Variants in TNR observed in about 807,000 individuals in gnomAD.
TNR encodes tenascin R.
In TNR, 45 loss-of-function variants were observed where a neutral mutation model predicts 150.4. That is an observed-to-expected ratio of 0.30 (90% CI 0.24 to 0.38). The LOEUF is 0.38. Among genes scored for constraint, TNR ranks in the 10% least tolerant of loss-of-function variants. The probability of loss-of-function intolerance (pLI) is 1.00; values close to 1 mark genes in which losing one functional copy is unlikely to be tolerated. For missense variants in TNR, 1,544 were observed against 1,759.1 expected, an observed-to-expected ratio of 0.88 and a Z score of 2.19; for synonymous variants, 687 against 678.4, an observed-to-expected ratio of 1.01 and a Z score of -0.20.
Position 175,437,053 on chromosome 1 carries a change from C to T in TNR, c.-63-30276G>A, listed in dbSNP as rs1043431208. ...TAATAGACATCTACAGAACTCTCCA[C>T]CCCAAATCAACAGAATATACATTCT... On this transcript the variant is annotated intron_variant, in intron 2 of 22. Coordinates refer to ENST00000367674, the MANE Select transcript of TNR (RefSeq NM_003285.3). Among the ~76,000 whole-genome samples the T allele has an allele frequency of 2.6e-5, 4 of 152,316 alleles. No individual in the cohort carries two copies. The Middle Eastern group carries it at 0.014, about 518-fold the overall frequency.
chr1:175,520,822 A>G (rs995548004), intron 2 of TNR, among the ~76,000 whole-genome samples: 1 of 151,888 alleles, frequency 6.6e-6, no homozygotes. Flanking sequence ...CATGTTCTAA[A>G]ATTATTTTTC....
intron 1 of TNR, among the ~76,000 whole-genome samples, chr1:175,725,133 A>G (rs1173197792): frequency 6.6e-6 from 1 of 152,172 alleles, no homozygotes; most frequent in African/African-American, 2.4e-5. Flanking sequence ...CATCAATGGA[A>G]GTGTAGAGAA....
intron 1 of TNR, among the ~76,000 whole-genome samples, chr1:175,740,880 A>G (rs183470905): frequency 1.1e-3 from 161 of 152,318 alleles, no homozygotes; most frequent in Non-Finnish European, 1.5e-3. Context: ...CCATGGCAAC[A>G]TGCCCCAGAT....
intron 18 of TNR, among the ~76,000 whole-genome samples, chr1:175,338,465 C>T (rs576658723): frequency 1.5e-4 from 23 of 152,240 alleles, no homozygotes; most frequent in African/African-American, 5.3e-4. Flanking sequence ...AAGCAGAAAG[C>T]CCACCGGAGG....
chr1:175,547,623 AAGAAAGAAAGAAAG>A (rs1571590357), intron 1 of TNR, among the ~76,000 whole-genome samples: 2 of 139,904 alleles, frequency 1.4e-5, no homozygotes, highest in East Asian at 2.1e-4. Flanking sequence ...CAAAGAAACA[AAGAAAGAAAGAAAG>A]AGAAAGAAAG....
chr1:175,602,834 C>T (rs1020551456), intron 1 of TNR, among the ~76,000 whole-genome samples: 9 of 152,142 alleles, frequency 5.9e-5, no homozygotes, highest in Non-Finnish European at 1.0e-4. Context: ...TAGAAAGCTC[C>T]GAGACCAACA....
intron 1 of TNR, among the ~76,000 whole-genome samples, chr1:175,572,906 C>T (rs1395603430): frequency 6.6e-6 from 1 of 151,678 alleles, no homozygotes; most frequent in African/African-American, 2.4e-5. Flanking sequence ...CCTCCCTAAC[C>T]ATGATTTAGA....
chr1:175,594,733 T>C (rs1017955189), intron 1 of TNR, among the ~76,000 whole-genome samples: 1 of 151,776 alleles, frequency 6.6e-6, no homozygotes, highest in African/African-American at 2.4e-5. Context: ...TGCACACCTG[T>C]AGTCCCAGCT....
intron 9 of TNR, among the ~76,000 whole-genome samples, chr1:175,372,120 T>C (rs1652134947): frequency 6.6e-6 from 1 of 151,848 alleles, no homozygotes; most frequent in African/African-American, 2.4e-5. Context: ...CCTCTCTCAT[T>C]GTGTGATGCG....
Position 175,391,311 on chromosome 1 carries a change from G to A in TNR, c.1484C>T (p.Pro495Leu). The stretch of plus-strand genomic sequence containing the variant: ...ACCTGTGGAGACGCTGGCCGAGGTA[G>A]GGGGGCTGCGGGCCTGTTCTTTCAG... ...VALKEQARSP[P>L]TSASVSTVID... Residue 495 changes from proline to leucine, a missense_variant, in exon 7 of 23, where the codon CCT (proline) becomes CTT (leucine). Physicochemically the swap from Pro to Leu is moderately conservative, Grantham distance 98 (BLOSUM62 -3). This residue lies in a region of TNR where 1,254 missense variants were observed against 1,329.4 expected (regional missense o/e 0.94). Transcript: ENST00000367674. The A allele has an allele frequency of 6.2e-7, 1 of 1,614,008 alleles. No homozygotes were observed. Among genetic ancestry groups the A allele is most frequent in the Non-Finnish European group, 8.5e-7 (1 of 1,180,006 alleles).
chr1:175,354,182 C>T (rs966056589), intron 18 of TNR, among the ~76,000 whole-genome samples: 23 of 152,252 alleles, frequency 1.5e-4, no homozygotes, highest in African/African-American at 3.4e-4. Flanking sequence ...TTAATTGGTC[C>T]GGGTGGATCA....
At chr1:175,687,843 G>T (rs1470340976) in intron 1 of TNR, among the ~76,000 whole-genome samples, 1 of 151,820 alleles carries the variant, frequency 6.6e-6, no homozygotes, top group African/African-American at 2.4e-5. Flanking sequence ...ATCTTCTGCT[G>T]TTAGCGCCCC....
intron 2 of TNR, among the ~76,000 whole-genome samples, chr1:175,434,927 A>G (rs1215613223): frequency 6.6e-6 from 1 of 152,186 alleles, no homozygotes; most frequent in Non-Finnish European, 1.5e-5. Flanking sequence ...GATCCTCACC[A>G]GGCTAGGGTA....
intron 1 of TNR, among the ~76,000 whole-genome samples, chr1:175,728,203 A>AG (rs1380727930): frequency 4.6e-5 from 7 of 152,202 alleles, no homozygotes; most frequent in Admixed American, 1.3e-4. Context: ...AGGTGAGGCC[A>AG]GGGTGAGGCT....
At chr1:175,452,449 C>T (rs529668764) in intron 2 of TNR, among the ~76,000 whole-genome samples, 46 of 152,294 alleles carry the variant, frequency 3.0e-4, no homozygotes, top group African/African-American at 1.0e-3. Flanking sequence ...GACGGGGGGA[C>T]GGCTGTCGGA....
rs35421365 is a variant in TNR at position 175,330,113 on chromosome 1, G to A, written c.3754C>T (p.Leu1252=). The A allele has an allele frequency of 3.3e-3, 5,271 of 1,611,056 alleles. 22 individuals are homozygous for A. The highest frequency in any genetic ancestry group is 0.018 in the Middle Eastern group (109 of 6,036). ...DRFSVEDSRN[L]YKLRIGSYNG... is the part of the protein sequence containing the mutation. Reference sequence around the variant, plus strand: ...TAGCTTCCTATGCGGAGTTTGTACAGGTTTCTGCTGTCCTCGACAGAGAAC... The same window carrying A: ...TAGCTTCCTATGCGGAGTTTGTACAAGTTTCTGCTGTCCTCGACAGAGAAC... The change falls in exon 21 of 23, where the codon CTG becomes TTG. Residue 1252 remains leucine (L), a synonymous_variant. Coordinates refer to ENST00000367674, the MANE Select transcript of TNR (RefSeq NM_003285.3).
intron 14 of TNR, 79 bp from the exon 15 acceptor site, chr1:175,359,810 C>T (rs1287784242): frequency 1.3e-6 from 2 of 1,520,870 alleles, no homozygotes; most frequent in East Asian, 2.3e-5. Context: ...AGAAGTTCCA[C>T]TCATGGTGCA....
rs554166522 is a variant in TNR at position 175,431,687 on chromosome 1, C to T, written c.-63-24910G>A. 2.0e-5 allele frequency among the ~76,000 whole-genome samples: 3 copies of T among 148,102 alleles called. No homozygotes were observed. The South Asian group carries it at 6.5e-4, about 32-fold the overall frequency. On this transcript the variant is annotated intron_variant, in intron 2 of 22. Coordinates refer to ENST00000367674, the MANE Select transcript of TNR (RefSeq NM_003285.3). Reference sequence around the variant, plus strand: ...CAGGCCTCAGGCAGAGGAGGAAGAACCCATGCTTTCCAGCACAGTCACAGA... The same window carrying T: ...CAGGCCTCAGGCAGAGGAGGAAGAATCCATGCTTTCCAGCACAGTCACAGA...
At chr1:175,643,122 G>A (rs974399690) in intron 1 of TNR, among the ~76,000 whole-genome samples, 1 of 152,120 alleles carries the variant, frequency 6.6e-6, no homozygotes, top group Admixed American at 6.5e-5. Flanking sequence ...TCTCATGAGC[G>A]ATGATGCACT....
Sources: gnomAD v4.1 joint callset for allele counts (sites outside exome capture counted in the v4.1 genomes callset) on GRCh38, gnomAD v4.1.1 for gene constraint, gnomAD v4.1.1 regional missense constraint, MANE v1.5 for transcripts, NCBI Gene and HGNC (gene_info 2026-07-23, HGNC 2026-07-21) for gene names.